Variants in SARNP observed in about 807,000 individuals in gnomAD.
The protein encoded by SARNP is SAP domain-containing ribonucleoprotein.
A neutral mutation model predicts 38.1 loss-of-function variants in SARNP; 5 were observed. The ratio of observed to expected loss-of-function variants is 0.13; its 90% confidence interval spans 0.07 to 0.28. SARNP has a LOEUF of 0.28. SARNP is among the 10% of genes least tolerant of loss of function. The probability of loss-of-function intolerance (pLI) is 1.00; values close to 1 mark genes in which losing one functional copy is unlikely to be tolerated. For synonymous variants in SARNP, 84 were observed against 80.6 expected (o/e 1.04, Z -0.23); for missense variants, 180 against 243.9 (o/e 0.74, Z 1.75).
At chr12:55,776,628 A>G (rs1161447733) in intron 9 of SARNP, among the ~76,000 whole-genome samples, 1 of 152,112 alleles carries the variant, frequency 6.6e-6, no homozygotes. Context: ...CAGAGGGCTG[A>G]GTATACTTGG....
At chr12:55,795,167 C>T (rs750037018) in intron 5 of SARNP, among the ~76,000 whole-genome samples, 3 of 151,912 alleles carry the variant, frequency 2.0e-5, no homozygotes, top group Admixed American at 1.3e-4. Context: ...ACCATGATGG[C>T]CAGGCTGATA....
At chr12:55,816,214 T>C (rs1880478886) in intron 1 of SARNP, among the ~76,000 whole-genome samples, 1 of 152,160 alleles carries the variant, frequency 6.6e-6, no homozygotes, top group African/African-American at 2.4e-5. Flanking sequence ...ATAGGACAAA[T>C]AGGAAGAAAA....
intron 1 of SARNP, among the ~76,000 whole-genome samples, chr12:55,805,299 G>A (rs761898437): frequency 6.6e-6 from 1 of 152,180 alleles, no homozygotes; most frequent in Admixed American, 6.5e-5. Flanking sequence ...ATATTACAAC[G>A]ACTAGCAAAG....
intron 8 of SARNP, among the ~76,000 whole-genome samples, chr12:55,789,943 CA>C (rs1158181574): frequency 0.023 from 1,072 of 45,816 alleles, 3 homozygotes; most frequent in Non-Finnish European, 0.033. Context: ...AACTCCGTCT[CA>C]AAAAAAAAAA....
chr12:55,773,476 G>C (rs1879070964), intron 9 of SARNP, among the ~76,000 whole-genome samples: 1 of 152,170 alleles, frequency 6.6e-6, no homozygotes, highest in Non-Finnish European at 1.5e-5. Flanking sequence ...GAGGACTCTA[G>C]GTAGCACACC....
At chr12:55,788,970 G>T in intron 9 of SARNP, 105 bp downstream of exon 9, 1 of 750,082 alleles carries the variant, frequency 1.3e-6, no homozygotes, top group Non-Finnish European at 2.3e-6. Context: ...GAAATGAAAT[G>T]CTTTGTAGCC....
intron 9 of SARNP, among the ~76,000 whole-genome samples, chr12:55,768,698 G>A (rs181955625): frequency 4.3e-4 from 66 of 152,194 alleles, no homozygotes; most frequent in African/African-American, 1.6e-3. Context: ...AAAGTGCTAG[G>A]ATTACAGGCG....
At chr12:55,756,931 A>G (rs1444000528), downstream of SARNP, 1 of 152,216 alleles carries the variant, frequency 6.6e-6, no homozygotes, top group East Asian at 1.9e-4. Context: ...TTATTAGCTA[A>G]TAACAGAAGG....
At chr12:55,775,951 T>C (rs1013654234) in intron 9 of SARNP, among the ~76,000 whole-genome samples, 2 of 152,198 alleles carry the variant, frequency 1.3e-5, no homozygotes, top group African/African-American at 4.8e-5. Context: ...GAGGAGCCTT[T>C]AACCAAAATT....
intron 1 of SARNP, among the ~76,000 whole-genome samples, chr12:55,808,995 C>A (rs1880242708): frequency 6.6e-6 from 1 of 152,016 alleles, no homozygotes; most frequent in Non-Finnish European, 1.5e-5. Context: ...TCACTTGAGT[C>A]CAGGAGTTCG....
chr12:55,817,384 T>C (rs564224038), intron 1 of SARNP, among the ~76,000 whole-genome samples: 1 of 152,084 alleles, frequency 6.6e-6, no homozygotes, highest in African/African-American at 2.4e-5. Context: ...ACGAAGAGTA[T>C]AACAGGTAGA....
At chr12:55,795,928 G>A (rs957621361) in intron 5 of SARNP, 97 bp downstream of exon 5, 19 of 860,960 alleles carry the variant, frequency 2.2e-5, no homozygotes, top group Non-Finnish European at 3.1e-5. Flanking sequence ...CTGATTTTCT[G>A]CCTGTGAATA....
intron 4 of SARNP, among the ~76,000 whole-genome samples, chr12:55,796,556 C>A (rs1249162245): frequency 6.6e-6 from 1 of 152,166 alleles, no homozygotes; most frequent in African/African-American, 2.4e-5. Context: ...GCACCTGCCA[C>A]CACGCCGAGC....
At chr12:55,764,018 T>C (rs1413245570) in intron 9 of SARNP, among the ~76,000 whole-genome samples, 1 of 152,170 alleles carries the variant, frequency 6.6e-6, no homozygotes. Context: ...CTAGAACCCT[T>C]AGCTAAAAAA....
intron 9 of SARNP, among the ~76,000 whole-genome samples, chr12:55,766,808 G>A (rs1878850982): frequency 6.6e-6 from 1 of 152,096 alleles, no homozygotes; most frequent in African/African-American, 2.4e-5. Flanking sequence ...TTTTTGTAGA[G>A]AGAGGGTTTC....
At chr12:55,783,934 A>G (rs1879412955) in intron 9 of SARNP, among the ~76,000 whole-genome samples, 1 of 152,152 alleles carries the variant, frequency 6.6e-6, no homozygotes, top group Admixed American at 6.5e-5. Context: ...TCTAAAAAAA[A>G]GAAAAAAAGA....
chr12:55,790,923 A>C (rs1290367460), intron 7 of SARNP, among the ~76,000 whole-genome samples: 1 of 152,264 alleles, frequency 6.6e-6, no homozygotes, highest in Non-Finnish European at 1.5e-5. Flanking sequence ...CATTATTCAT[A>C]TTAGACAAAA....
chr12:55,799,299 G>C (rs1879909003), intron 4 of SARNP, among the ~76,000 whole-genome samples: 1 of 152,198 alleles, frequency 6.6e-6, no homozygotes, highest in Admixed American at 6.5e-5. Context: ...AATGTTCAAA[G>C]TTTAGGACTC....
intron 7 of SARNP, among the ~76,000 whole-genome samples, chr12:55,790,852 A>C (rs1879646645): frequency 6.6e-6 from 1 of 152,244 alleles, no homozygotes; most frequent in Non-Finnish European, 1.5e-5. Context: ...CTAGCTATAC[A>C]GCTAAGAGAA....
Sources: allele counts gnomAD v4.1 joint callset (sites outside exome capture counted in the v4.1 genomes callset), GRCh38; gene constraint gnomAD v4.1.1; transcripts MANE v1.5; gene names NCBI Gene and HGNC (gene_info 2026-07-23, HGNC 2026-07-21).